Variants in TTC28 observed in about 807,000 individuals in gnomAD.
The protein encoded by TTC28 is tetratricopeptide repeat domain 28, also known as tetratricopeptide repeat protein 28.
Under a neutral mutation model 198.0 loss-of-function variants are expected in TTC28, and 61 were observed. The ratio of observed to expected loss-of-function variants is 0.31; its 90% CI spans 0.25 to 0.38. The LOEUF (loss-of-function observed/expected upper bound fraction) is 0.38, where lower values mean the gene tolerates loss of function less well. Among genes scored for constraint, TTC28 ranks in the 10% least tolerant of loss-of-function variants. TTC28 has a pLI of 1.00. For missense variants in TTC28, 2,678 were observed against 3,164.0 expected (o/e 0.85, Z 3.69); for synonymous variants, 1,171 against 1,297.8 (o/e 0.90, Z 2.10).
intron 14 of TTC28, among the ~76,000 whole-genome samples, chr22:28,012,478 C>T (rs1430743636): frequency 6.6e-6 from 1 of 152,194 alleles, no homozygotes; most frequent in Non-Finnish European, 1.5e-5. Context: ...GCCAGGCACA[C>T]ATTCACTGCT....
intron 1 of TTC28, among the ~76,000 whole-genome samples, chr22:28,642,120 G>C (rs1436629746): frequency 6.6e-6 from 1 of 151,640 alleles, no homozygotes; most frequent in Non-Finnish European, 1.5e-5. Flanking sequence ...AGACCATATT[G>C]AGTCAAGAAT....
rs773467593 is a variant in TTC28 at position 28,297,605 on chromosome 22, C to G, written c.777G>C (p.Gln259His). The G allele has an allele frequency of 1.3e-6, 2 of 1,551,494 alleles. No homozygotes were observed. The highest frequency in any genetic ancestry group is 2.7e-5 in the African/African-American group (2 of 73,028). ...NTEKSTGYMQ[Q>H]DLDVAKTLGD... ...CTAAGGTCTTGGCTACATCCAAGTC[C>G]TGCTGCATATATCCGGTGCTCTTCT... The change falls in exon 4 of 23, where the codon CAG becomes CAC. Residue 259 changes from glutamine (Q) to histidine (H), a missense_variant. This residue lies in a region of TTC28 where 36 missense variants were observed against 78.7 expected (regional missense o/e 0.46). Transcript: ENST00000397906.
chr22:28,269,940 C>T (rs1931943333), intron 5 of TTC28, among the ~76,000 whole-genome samples: 1 of 152,202 alleles, frequency 6.6e-6, no homozygotes, highest in East Asian at 1.9e-4. Context: ...AACACCCTCA[C>T]TTTAAGTTGC....
At chr22:28,456,189 T>C (rs1439108806) in intron 2 of TTC28, among the ~76,000 whole-genome samples, 3 of 151,584 alleles carry the variant, frequency 2.0e-5, no homozygotes. Context: ...CTGGTATTTC[T>C]AGATTTGGAT....
chr22:28,600,316 G>A (rs1324819919), intron 2 of TTC28, among the ~76,000 whole-genome samples: 1 of 152,066 alleles, frequency 6.6e-6, no homozygotes, highest in Non-Finnish European at 1.5e-5. Context: ...AAGGTCGGGG[G>A]GTTGCTTGAG....
chr22:28,223,526 G>GA (rs1928045159), intron 5 of TTC28, among the ~76,000 whole-genome samples: 1 of 152,142 alleles, frequency 6.6e-6, no homozygotes, highest in African/African-American at 2.4e-5. Flanking sequence ...TTAATTATCT[G>GA]AACTAGATTT....
rs61622821 is a variant in TTC28 at position 28,407,472 on chromosome 22, G to GCACA, written c.382-100833_382-100830dup. 2.3e-3 allele frequency among the ~76,000 whole-genome samples: 338 copies of GCACA among 148,748 alleles called. 3 individuals carry two copies. Among genetic ancestry groups the GCACA allele is most frequent in the East Asian group, 0.015 (78 of 5,078 alleles). On this transcript the variant is annotated intron_variant, in intron 2 of 22. Transcript: ENST00000397906. ...TACACATATACACACACATGCGTGC[G>GCACA]CACACACACACACACACACACACAG...
intron 2 of TTC28, among the ~76,000 whole-genome samples, chr22:28,334,205 T>C (rs2045667139): frequency 6.6e-6 from 1 of 152,092 alleles, no homozygotes. Flanking sequence ...GGCTGCATAG[T>C]ATTCCATGGT....
chr22:28,309,062 C>A (rs927306626), intron 2 of TTC28, among the ~76,000 whole-genome samples: 1 of 152,092 alleles, frequency 6.6e-6, no homozygotes, highest in Non-Finnish European at 1.5e-5. Context: ...GGAGTTCAAG[C>A]TGATGATAAA....
intron 2 of TTC28, among the ~76,000 whole-genome samples, chr22:28,446,748 G>A (rs2047709038): frequency 6.6e-6 from 1 of 152,018 alleles, no homozygotes; most frequent in Non-Finnish European, 1.5e-5. Flanking sequence ...CCCAGTCTCA[G>A]GTAATTTACA....
intron 6 of TTC28, among the ~76,000 whole-genome samples, chr22:28,129,387 C>T (rs927274503): frequency 2.6e-5 from 4 of 152,180 alleles, no homozygotes; most frequent in Admixed American, 6.5e-5. Context: ...CCCCAGGTAA[C>T]GCCAAAATGC....
chr22:28,030,114 T>C, intron 13 of TTC28, 112 bp downstream of exon 13: 1 of 1,428,830 alleles, frequency 7.0e-7, no homozygotes, highest in Non-Finnish European at 9.3e-7. Context: ...TGCAAATGCA[T>C]GACACGAGCC....
intron 21 of TTC28, chr22:27,986,162 G>A (rs1043005230): frequency 1.3e-5 from 2 of 152,216 alleles, no homozygotes; most frequent in African/African-American, 4.8e-5. Context: ...TGGATGTCGA[G>A]GGAGGGACCT....
intron 1 of TTC28, among the ~76,000 whole-genome samples, chr22:28,655,828 G>A: frequency 6.6e-6 from 1 of 150,970 alleles, no homozygotes; most frequent in East Asian, 2.0e-4. Context: ...TCCAGCCTGG[G>A]CGACAGAGCA....
intron 2 of TTC28, among the ~76,000 whole-genome samples, chr22:28,584,230 T>C (rs1347428619): frequency 1.3e-5 from 2 of 152,186 alleles, no homozygotes; most frequent in African/African-American, 4.8e-5. Flanking sequence ...CATAATTCCT[T>C]TTCTTCCTCA....
At position 28,679,766 on chromosome 22, in the gene TTC28, C is replaced by A; in HGVS notation, c.-43G>T. 2.4e-6 allele frequency: 2 copies of A among 839,488 alleles called. No individual in the cohort carries two copies. The highest frequency in any genetic ancestry group is 3.1e-6 in the Non-Finnish European group (2 of 648,116). 52.0% of individuals were successfully genotyped at this position (839,488 alleles called of 1,614,324 possible). On this transcript the variant is annotated 5_prime_UTR_variant, in exon 1 of 23. Transcript: ENST00000397906. ...CGCGTCCGCCTCGAGCTAACGGTCC[C>A]GCCAGCTAGGCGCGCGCGCCGGTTC...
At chr22:28,076,029 G>A (rs1941155416) in intron 12 of TTC28, among the ~76,000 whole-genome samples, 1 of 152,190 alleles carries the variant, frequency 6.6e-6, no homozygotes, top group South Asian at 2.1e-4. Flanking sequence ...CAAAATGGCA[G>A]TACCCTATTT....
At chr22:28,489,109 C>T (rs1568975665) in intron 2 of TTC28, among the ~76,000 whole-genome samples, 1 of 151,834 alleles carries the variant, frequency 6.6e-6, no homozygotes, top group Non-Finnish European at 1.5e-5. Flanking sequence ...TAAAGCAAGA[C>T]CTTGTCTTTA....
At chr22:28,068,401 C>T (rs1940842104) in intron 12 of TTC28, among the ~76,000 whole-genome samples, 1 of 152,166 alleles carries the variant, frequency 6.6e-6, no homozygotes, top group Non-Finnish European at 1.5e-5. Flanking sequence ...GTACTATGTG[C>T]AAAAACGCCT....
Sources: gnomAD v4.1 joint callset for allele counts (sites outside exome capture counted in the v4.1 genomes callset) on GRCh38, gnomAD v4.1.1 for gene constraint, gnomAD v4.1.1 regional missense constraint, MANE v1.5 for transcripts, NCBI Gene and HGNC (gene_info 2026-07-23, HGNC 2026-07-21) for gene names.